The following COQ9 variants were observed in gnomAD, a reference collection of about 807,000 sequenced individuals.
The protein encoded by COQ9 is coenzyme Q9.
A neutral mutation model predicts 42.4 loss-of-function variants in COQ9; 35 were observed. The observed-to-expected ratio is 0.83, with a 90% CI of 0.63 to 1.10. The LOEUF is 1.10. Among genes scored for constraint, COQ9 ranks in the 50% least tolerant of loss-of-function variants. The pLI is 0.00. For synonymous variants in COQ9, 155 were observed against 155.1 expected (o/e 1.00, Z 0.00); for missense variants, 406 against 414.6 (o/e 0.98, Z 0.18).
intron 4 of COQ9, 107 bp downstream of exon 4, chr16:57,456,753 G>T (rs570432547): frequency 2.8e-6 from 4 of 1,421,084 alleles, no homozygotes; most frequent in Non-Finnish European, 2.9e-6. Context: ...AAAGAGAGCA[G>T]CATTGGGCAG....
chr16:57,448,174 C>T (rs1255503405), intron 1 of COQ9, among the ~76,000 whole-genome samples: 1 of 152,088 alleles, frequency 6.6e-6, no homozygotes, highest in East Asian at 1.9e-4. Flanking sequence ...ACTGATGAAA[C>T]GTTCACCTGT....
intron 1 of COQ9, among the ~76,000 whole-genome samples, chr16:57,449,159 T>G (rs1329112807): frequency 2.0e-5 from 3 of 152,168 alleles, no homozygotes; most frequent in African/African-American, 7.2e-5. Flanking sequence ...TAAATAAGAT[T>G]GGTCTGCTAG....
chr16:57,449,281 C>G (rs1358492702), intron 1 of COQ9, among the ~76,000 whole-genome samples: 1 of 152,132 alleles, frequency 6.6e-6, no homozygotes, highest in African/African-American at 2.4e-5. Flanking sequence ...CTTGAGTTTT[C>G]TCAGGCAGGC....
intron 4 of COQ9, 55 bp from the exon 5 acceptor site, chr16:57,456,876 C>T (rs2030416131): frequency 1.3e-6 from 2 of 1,484,328 alleles, no homozygotes; most frequent in East Asian, 2.3e-5. Flanking sequence ...AACCGTGGAG[C>T]ACTGAGCCCC....
At position 57,459,739 on chromosome 16, in the gene COQ9, T is replaced by C. The variant is rs1421814618; in HGVS notation, c.867+19T>C. On this transcript the variant is annotated intron_variant, in intron 7 of 8. Coordinates refer to ENST00000262507, the MANE Select transcript of COQ9 (RefSeq NM_020312.4). Reference sequence around the variant, plus strand: ...CAAGCAGGTAGGTGGGGACTAGCCATTGGGGAACCCTCTTTAGAAGGCATA... The same window carrying C: ...CAAGCAGGTAGGTGGGGACTAGCCACTGGGGAACCCTCTTTAGAAGGCATA... 4.3e-6 allele frequency: 7 copies of C among 1,613,700 alleles called. No homozygotes were observed. The highest frequency in any genetic ancestry group is 1.3e-5 in the African/African-American group (1 of 74,908).
At chr16:57,456,452 T>TG in intron 3 of COQ9, 52 bp from the exon 4 acceptor site, 7 of 1,604,380 alleles carry the variant, frequency 4.4e-6, no homozygotes, top group Non-Finnish European at 6.0e-6. Flanking sequence ...AGGCAACAAA[T>TG]GTACCCTACA....
At chr16:57,447,707 T>G in intron 1 of COQ9, 129 bp downstream of exon 1, 1 of 809,544 alleles carries the variant, frequency 1.2e-6, no homozygotes, top group South Asian at 6.2e-5. Context: ...GTGAAGGGCA[T>G]CGGCGCGGGC....
intron 4 of COQ9, 126 bp downstream of exon 4, chr16:57,456,772 C>CTGTG: frequency 4.4e-6 from 6 of 1,376,428 alleles, no homozygotes; most frequent in Non-Finnish European, 6.1e-6. Context: ...AGCCCTGCTG[C>CTGTG]TGTGATGGGA....
intron 5 of COQ9, chr16:57,457,494 G>C: frequency 3.2e-6 from 1 of 307,844 alleles, no homozygotes; most frequent in Non-Finnish European, 6.3e-6. Context: ...TTTTTCCTCT[G>C]TTTTAAAGCA....
chr16:57,458,492 C>T (rs562402054), intron 6 of COQ9, 142 bp downstream of exon 6: 6 of 697,684 alleles, frequency 8.6e-6, no homozygotes, highest in South Asian at 4.5e-5. Context: ...GAGGAAGGTC[C>T]GTCAAGAAGC....
At position 57,456,552 on chromosome 16, in the gene COQ9, A is replaced by G; in HGVS notation, c.427A>G (p.Ser143Gly). 2 of 1,614,182 alleles carry G rather than the reference A, an allele frequency of 1.2e-6. No homozygotes were observed. Among genetic ancestry groups the G allele is most frequent in the Non-Finnish European group, 1.7e-6 (2 of 1,180,040 alleles). Residue 143 changes from serine (S) to glycine (G), a missense_variant, in exon 4 of 9, where the codon AGT (serine) becomes GGT (glycine). Transcript: ENST00000262507. ...AGCCAGCATGTTCGGGAAGGATGGC[A>G]GTGAGCTAATACTGCATTTTGTGAC... ...AAASMFGKDG[S>G]ELILHFVTQC...
At chr16:57,459,836 A>G in intron 7 of COQ9, 116 bp downstream of exon 7, 1 of 1,275,090 alleles carries the variant, frequency 7.8e-7, no homozygotes, top group Non-Finnish European at 1.1e-6. Context: ...GGCCTTCCCA[A>G]GGGCCTGGCT....
At chr16:57,454,124 C>T (rs1051401327) in intron 3 of COQ9, 7 of 152,048 alleles carry the variant, frequency 4.6e-5, no homozygotes, top group Non-Finnish European at 7.4e-5. Context: ...TTTTTTCCCT[C>T]AATAGGGTGG....
At chr16:57,455,177 G>C (rs1475974648) in intron 3 of COQ9, among the ~76,000 whole-genome samples, 1 of 151,954 alleles carries the variant, frequency 6.6e-6, no homozygotes, top group African/African-American at 2.4e-5. Flanking sequence ...GTTTGCATGT[G>C]TGGGTACCCA....
intron 1 of COQ9, 112 bp downstream of exon 1, chr16:57,447,690 A>T: frequency 1.0e-6 from 1 of 956,276 alleles, no homozygotes; most frequent in East Asian, 3.3e-5. Flanking sequence ...CCCACGAGCA[A>T]GGTGAGGTGA....
At chr16:57,449,530 C>A (rs2030234046) in intron 1 of COQ9, among the ~76,000 whole-genome samples, 1 of 152,118 alleles carries the variant, frequency 6.6e-6, no homozygotes, top group Admixed American at 6.6e-5. Context: ...CACCTGTAAT[C>A]CCAGCACTTT....
chr16:57,450,412 CAAAAAAA>C (rs59815351), intron 1 of COQ9, among the ~76,000 whole-genome samples: 38 of 92,462 alleles, frequency 4.1e-4, no homozygotes, highest in Admixed American at 2.7e-3. Flanking sequence ...GAGACTCTGA[CAAAAAAA>C]AAAAAAAAAA....
chr16:57,452,498 C>T (rs889647008), intron 2 of COQ9, among the ~76,000 whole-genome samples: 2 of 152,102 alleles, frequency 1.3e-5, no homozygotes, highest in South Asian at 2.1e-4. Context: ...AAAAATTAGC[C>T]GGACATGGTG....
rs1452118444 is a variant in COQ9 at position 57,460,864 on chromosome 16, A to C, written c.*240A>C. The C allele has an allele frequency of 1.9e-6, 1 of 533,052 alleles. No homozygotes were observed. The highest frequency in any genetic ancestry group is 3.1e-5 in the Admixed American group (1 of 31,792). 33.0% of individuals were successfully genotyped at this position (533,052 alleles called of 1,614,324 possible). On this transcript the variant is annotated 3_prime_UTR_variant, in exon 9 of 9. Transcript: ENST00000262507. ...ACCAAGCCTCCTGATGCCTTTCTGC[A>C]CTGCAACTGTGTGATTGAAAAATGA...
Sources: allele counts gnomAD v4.1 joint callset (sites outside exome capture counted in the v4.1 genomes callset), GRCh38; gene constraint gnomAD v4.1.1; transcripts MANE v1.5; gene names NCBI Gene and HGNC (gene_info 2026-07-23, HGNC 2026-07-21).